SEMA3A: variants seen among roughly 807,000 people sequenced by gnomAD.
SEMA3A encodes the protein semaphorin 3A.
SEMA3A carries 29 observed loss-of-function variants against 97.9 expected under a neutral mutation model. That is an observed-to-expected ratio of 0.30 (90% confidence interval 0.22 to 0.40). The LOEUF is 0.40. Among genes scored for constraint, SEMA3A ranks in the 10% least tolerant of loss-of-function variants. SEMA3A has a pLI of 1.00. For synonymous variants in SEMA3A, 321 were observed against 323.7 expected, an observed-to-expected ratio of 0.99 and a Z score of 0.09; for missense variants, 763 against 951.3, an observed-to-expected ratio of 0.80 and a Z score of 2.60.
At chr7:84,061,150 C>G (rs190675967) in intron 4 of SEMA3A, among the ~76,000 whole-genome samples, 4 of 152,222 alleles carry the variant, frequency 2.6e-5, no homozygotes, top group African/African-American at 9.6e-5. Flanking sequence ...ATTCACTTCT[C>G]TAAGAGGGAA....
intron 3 of SEMA3A, among the ~76,000 whole-genome samples, chr7:84,240,343 G>C (rs375735690): frequency 6.6e-6 from 1 of 151,324 alleles, no homozygotes; most frequent in Admixed American, 6.6e-5. Context: ...TTAAGTTAAC[G>C]ATCTTGAGAT....
At chr7:84,046,279 C>T (rs181802141) in intron 6 of SEMA3A, 45 bp downstream of exon 6, 2 of 1,597,536 alleles carry the variant, frequency 1.3e-6, no homozygotes, top group Non-Finnish European at 1.7e-6. Context: ...TAACTTAATA[C>T]AGTTACACAT....
chr7:84,028,318 G>A (rs939641668), intron 6 of SEMA3A, among the ~76,000 whole-genome samples: 1 of 152,064 alleles, frequency 6.6e-6, no homozygotes, highest in African/African-American at 2.4e-5. Flanking sequence ...GGTGAACTTA[G>A]GTGAATATGA....
At chr7:84,077,582 T>C (rs982011100) in intron 4 of SEMA3A, among the ~76,000 whole-genome samples, 2 of 152,066 alleles carry the variant, frequency 1.3e-5, no homozygotes, top group African/African-American at 4.8e-5. Flanking sequence ...TACCAAACTT[T>C]GTTTCAGCAA....
Position 83,960,696 on chromosome 7 carries a change from A to C in SEMA3A, c.*675T>G, listed in dbSNP as rs1788429878. ...CTAGCTTAGAAAACAACTAATTTTT[A>C]CTGCATATTTTTCATGGTACATTTA... On this transcript the variant is annotated 3_prime_UTR_variant, in exon 17 of 17. Transcript: ENST00000265362. 6.6e-6 allele frequency: 1 copy of C among 152,642 alleles called. No homozygotes were observed. The highest frequency in any genetic ancestry group is 1.5e-5 in the Non-Finnish European group (1 of 68,058). The allele number at this position is 152,642 out of a possible 1,614,324, so 9.5% of individuals were successfully genotyped here.
intron 1 of SEMA3A, among the ~76,000 whole-genome samples, chr7:84,447,331 G>A (rs1244127808): frequency 2.0e-5 from 3 of 152,122 alleles, no homozygotes; most frequent in African/African-American, 4.8e-5. Flanking sequence ...GCTCCTGGGC[G>A]GAGAGACGGT....
At chr7:83,995,240 CG>C (rs1790163464) in intron 12 of SEMA3A, among the ~76,000 whole-genome samples, 1 of 152,100 alleles carries the variant, frequency 6.6e-6, no homozygotes, top group Non-Finnish European at 1.5e-5. Flanking sequence ...GAGATGAACC[CG>C]GTACCTCAGA....
chr7:84,402,856 T>C (rs1175110999), intron 1 of SEMA3A, among the ~76,000 whole-genome samples: 1 of 152,124 alleles, frequency 6.6e-6, no homozygotes, highest in Non-Finnish European at 1.5e-5. Context: ...GTCTGGGGGC[T>C]AAAACAATTG....
At chr7:84,402,515 A>T (rs1253186602) in intron 1 of SEMA3A, among the ~76,000 whole-genome samples, 3 of 152,208 alleles carry the variant, frequency 2.0e-5, no homozygotes, top group Non-Finnish European at 4.4e-5. Context: ...AAAGAAAGGA[A>T]ATCAGTATAT....
In SEMA3A at chr7:84,079,075, G is replaced by C. The variant is rs923021689; in HGVS notation, c.454-18517C>G. ...CTCACTGGTAAAAAATTTTTGTCTAGAGATCAAGACATCTTTGCATCAAAT... is the reference window on the plus strand; with the variant it reads ...CTCACTGGTAAAAAATTTTTGTCTACAGATCAAGACATCTTTGCATCAAAT... On this transcript the variant is annotated intron_variant, in intron 4 of 16. Transcript: ENST00000265362. 2.6e-5 allele frequency among the ~76,000 whole-genome samples: 4 copies of C among 151,862 alleles called. No individual in the cohort carries two copies. In the South Asian group the frequency reaches 8.3e-4, roughly 32 times the overall value.
intron 1 of SEMA3A, among the ~76,000 whole-genome samples, chr7:84,158,954 C>A (rs1796939318): frequency 6.6e-6 from 1 of 151,998 alleles, no homozygotes; most frequent in African/African-American, 2.4e-5. Context: ...TAGGTCACAG[C>A]TCAGCCCTAA....
intron 4 of SEMA3A, among the ~76,000 whole-genome samples, chr7:84,080,194 G>T (rs1794102895): frequency 1.0e-5 from 1 of 97,030 alleles, no homozygotes; most frequent in African/African-American, 4.9e-5. Context: ...ACACTCTGGG[G>T]ACTGTTGTGG....
At chr7:84,289,865 C>A (rs1800697816) in intron 3 of SEMA3A, among the ~76,000 whole-genome samples, 1 of 151,954 alleles carries the variant, frequency 6.6e-6, no homozygotes, top group South Asian at 2.1e-4. Flanking sequence ...TAGAAAAAAT[C>A]TAAATGGCCA....
At chr7:84,195,722 T>A (rs1204890865), upstream of SEMA3A, among the ~76,000 whole-genome samples, 1 of 152,212 alleles carries the variant, frequency 6.6e-6, no homozygotes, top group Non-Finnish European at 1.5e-5. Flanking sequence ...TGGAATGCTC[T>A]GGCTAACATT....
chr7:84,279,097 T>A (rs1800377160), intron 3 of SEMA3A, among the ~76,000 whole-genome samples: 1 of 152,156 alleles, frequency 6.6e-6, no homozygotes, highest in African/African-American at 2.4e-5. Context: ...TTATCAACTG[T>A]TTATAAAATA....
chr7:84,400,699 G>C (rs532722696), intron 1 of SEMA3A, among the ~76,000 whole-genome samples: 1 of 152,122 alleles, frequency 6.6e-6, no homozygotes, highest in Non-Finnish European at 1.5e-5. Flanking sequence ...GTAGAAATAG[G>C]GGTAGAAAGT....
chr7:84,062,050 C>A (rs557500381), intron 4 of SEMA3A, among the ~76,000 whole-genome samples: 163 of 152,212 alleles, frequency 1.1e-3, no homozygotes, highest in African/African-American at 3.7e-3. Context: ...GGATATTTAA[C>A]CTCACAAGTT....
At chr7:84,227,179 T>G (rs1799008773) in intron 3 of SEMA3A, among the ~76,000 whole-genome samples, 1 of 151,684 alleles carries the variant, frequency 6.6e-6, no homozygotes, top group South Asian at 2.1e-4. Flanking sequence ...TCTATATATC[T>G]ATATCTATAT....
intron 1 of SEMA3A, among the ~76,000 whole-genome samples, chr7:84,472,789 T>C (rs188807584): frequency 5.3e-4 from 80 of 152,264 alleles, no homozygotes; most frequent in Non-Finnish European, 9.6e-4. Flanking sequence ...AATCGATCCA[T>C]ATAATCATAT....
Sources: allele counts gnomAD v4.1 joint callset (sites outside exome capture counted in the v4.1 genomes callset), GRCh38; gene constraint gnomAD v4.1.1; transcripts MANE v1.5; gene names NCBI Gene and HGNC (gene_info 2026-07-23, HGNC 2026-07-21).